The following VDR variants were observed in gnomAD, a reference collection of about 807,000 sequenced individuals.
The protein encoded by VDR is vitamin D3 receptor.
In VDR, 19 loss-of-function variants were observed where a neutral mutation model predicts 39.7. The ratio of observed to expected loss-of-function variants is 0.48; its 90% CI spans 0.33 to 0.70. The LOEUF (loss-of-function observed/expected upper bound fraction) is 0.70. Ranked by LOEUF, VDR falls within the 30% of genes least tolerant of loss-of-function variation. The probability of loss-of-function intolerance (pLI) is 0.02; values close to 1 mark genes in which losing one functional copy is unlikely to be tolerated. For missense variants in VDR, 442 were observed against 570.5 expected, an observed-to-expected ratio of 0.77 and a Z score of 2.29; for synonymous variants, 242 against 215.8, an observed-to-expected ratio of 1.12 and a Z score of -1.07.
chr12:47,897,364 G>A (rs1478792047), intron 1 of VDR, among the ~76,000 whole-genome samples: 3 of 152,220 alleles, frequency 2.0e-5, no homozygotes, highest in Non-Finnish European at 4.4e-5. Context: ...ACACTGGGTG[G>A]AATTGGGGTG....
At chr12:47,880,871 A>C (rs1385605145) in intron 2 of VDR, among the ~76,000 whole-genome samples, 1 of 147,046 alleles carries the variant, frequency 6.8e-6, no homozygotes, top group Non-Finnish European at 1.5e-5. Context: ...AATATATATT[A>C]TATATTAATA....
intron 4 of VDR, among the ~76,000 whole-genome samples, chr12:47,860,633 C>A (rs1185730573): frequency 1.3e-5 from 2 of 152,294 alleles, no homozygotes; most frequent in Middle Eastern, 3.4e-3. Flanking sequence ...CATTGCAGGA[C>A]AAGGTTACAG....
At chr12:47,903,955 A>C (rs977915325) in intron 1 of VDR, among the ~76,000 whole-genome samples, 3 of 152,162 alleles carry the variant, frequency 2.0e-5, no homozygotes, top group African/African-American at 7.2e-5. Context: ...GAGCTGGAGC[A>C]GAGCTGAACT....
chr12:47,902,261 G>A (rs1308562584), intron 1 of VDR, among the ~76,000 whole-genome samples: 2 of 152,208 alleles, frequency 1.3e-5, no homozygotes, highest in African/African-American at 4.8e-5. Flanking sequence ...AGCATATCTA[G>A]GAGGGCACTG....
rs188013871 is a variant in VDR, at chr12:47,861,101, C to A, written c.278-3413G>T. Among the ~76,000 whole-genome samples, 4 of 152,358 alleles carry A rather than the reference C, an allele frequency of 2.6e-5. No homozygotes were observed. In the East Asian group the frequency reaches 7.7e-4, roughly 29 times the overall value. On this transcript the variant is annotated intron_variant, in intron 4 of 9. Coordinates refer to ENST00000549336, the MANE Select transcript of VDR (RefSeq NM_000376.3). ...GGTGAAACCAGCATTTAGACCTGGG[C>A]AGTCTGGTTCTGGAGTGGAAGGTCA...
At chr12:47,902,465 G>A (rs1293970957) in intron 1 of VDR, among the ~76,000 whole-genome samples, 4 of 152,206 alleles carry the variant, frequency 2.6e-5, no homozygotes, top group African/African-American at 9.7e-5. Context: ...CTGGTCTGGT[G>A]GGTTCTGCTT....
intron 1 of VDR, among the ~76,000 whole-genome samples, chr12:47,903,913 C>G (rs1329117453): frequency 2.0e-5 from 3 of 152,112 alleles, no homozygotes; most frequent in Non-Finnish European, 4.4e-5. Flanking sequence ...TATCTGAGCC[C>G]CTGCCCATGA....
At chr12:47,888,638 C>T (rs890926858) in intron 1 of VDR, among the ~76,000 whole-genome samples, 3 of 152,144 alleles carry the variant, frequency 2.0e-5, no homozygotes, top group Non-Finnish European at 2.9e-5. Context: ...TGGAGAGTGG[C>T]CGGTGACGCA....
intron 3 of VDR, among the ~76,000 whole-genome samples, chr12:47,873,470 T>C (rs2137188480): frequency 6.9e-6 from 1 of 145,166 alleles, no homozygotes; most frequent in South Asian, 2.3e-4. Context: ...CACGCCATTC[T>C]CCTGCCTCAG....
intron 8 of VDR, 96 bp downstream of exon 8, chr12:47,846,561 C>A (rs531190881): frequency 6.3e-7 from 1 of 1,582,216 alleles, no homozygotes; most frequent in African/African-American, 1.4e-5. Flanking sequence ...TGCCTAACTC[C>A]CTCCCATGTA....
intron 2 of VDR, 108 bp from the exon 3 acceptor site, chr12:47,879,223 C>T: frequency 2.9e-6 from 4 of 1,376,318 alleles, no homozygotes; most frequent in South Asian, 1.4e-5. Flanking sequence ...CCCCACCCCC[C>T]ACCACCAGGG....
chr12:47,873,613 G>A (rs988949731), intron 3 of VDR, among the ~76,000 whole-genome samples: 12 of 151,534 alleles, frequency 7.9e-5, no homozygotes, highest in Admixed American at 2.0e-4. Context: ...CGCCCGCCTC[G>A]GCCTCCCAAA....
chr12:47,855,283 G>A (rs1377266387), intron 7 of VDR, among the ~76,000 whole-genome samples: 4 of 151,992 alleles, frequency 2.6e-5, no homozygotes, highest in Non-Finnish European at 5.9e-5. Context: ...AGCCAAGATA[G>A]TGCCACTGCA....
chr12:47,873,943 G>A (rs886331358), intron 3 of VDR, among the ~76,000 whole-genome samples: 1 of 152,140 alleles, frequency 6.6e-6, no homozygotes, highest in African/African-American at 2.4e-5. Flanking sequence ...GCTCTCCACT[G>A]GCCCTGTATA....
rs199971919 is a variant in VDR, at chr12:47,844,917, G to A, written c.1113C>T (p.His371=). The change falls in exon 10 of 10, where the codon CAC becomes CAT. Residue 371 remains histidine, a synonymous_variant. Transcript: ENST00000549336. ...NTLQTYIRCR[H]PPPGSHLLYA... is the part of the protein sequence containing the mutation. ...AGAGCAGGTGGCTGCCCGGGGGCGG[G>A]TGGCGGCAGCGGATGTACGTCTGCA... The A allele has an allele frequency of 8.7e-6, 14 of 1,614,140 alleles. No individual in the cohort carries two copies. The Admixed American group carries it at 2.0e-4, about 23-fold the overall frequency.
At position 47,858,516 on chromosome 12, in the gene VDR, A is replaced by T. The variant is rs116206547; in HGVS notation, c.278-828T>A. 4.7e-3 allele frequency among the ~76,000 whole-genome samples: 717 copies of T among 152,346 alleles called. 4 individuals carry two copies. The highest frequency in any genetic ancestry group is 0.017 in the African/African-American group (691 of 41,594). On this transcript the variant is annotated intron_variant, in intron 4 of 9. Coordinates refer to ENST00000549336, the MANE Select transcript of VDR (RefSeq NM_000376.3). ...ATCTTAGAAGTTCTCTCCAGCCACT[A>T]ATCAGGGTGTGGGGCCATAGAGAGC...
At chr12:47,891,759 C>T (rs779858600) in intron 1 of VDR, among the ~76,000 whole-genome samples, 9 of 152,228 alleles carry the variant, frequency 5.9e-5, no homozygotes, top group Non-Finnish European at 1.2e-4. Flanking sequence ...TCCAGTGTCA[C>T]CTCCATCCCC....
At chr12:47,880,076 C>T (rs2137205957) in intron 2 of VDR, among the ~76,000 whole-genome samples, 1 of 152,238 alleles carries the variant, frequency 6.6e-6, no homozygotes, top group East Asian at 1.9e-4. Flanking sequence ...CCTCAGACTG[C>T]CCTGAAATGC....
chr12:47,898,555 G>T (rs1450614844), intron 1 of VDR: 1 of 154,256 alleles, frequency 6.5e-6, no homozygotes, highest in Non-Finnish European at 1.5e-5. Context: ...CAGAAGACAA[G>T]TATAACATGT....
Sources: allele counts gnomAD v4.1 joint callset (sites outside exome capture counted in the v4.1 genomes callset), GRCh38; gene constraint gnomAD v4.1.1; transcripts MANE v1.5; gene names NCBI Gene and HGNC (gene_info 2026-07-23, HGNC 2026-07-21).